NKPD1: variants seen among roughly 807,000 people sequenced by gnomAD.
NKPD1 encodes NTPase KAP family P-loop domain-containing protein 1.
In NKPD1, 37 loss-of-function variants were observed where a neutral mutation model predicts 42.2. The observed-to-expected ratio is 0.88, with a 90% CI of 0.67 to 1.15. The LOEUF is 1.15. NKPD1 is among the 50% of genes most tolerant of loss of function. The probability of loss-of-function intolerance (pLI) is 0.00; values close to 1 mark genes in which losing one functional copy is unlikely to be tolerated. For synonymous variants in NKPD1, 552 were observed against 536.5 expected (o/e 1.03, Z -0.40); for missense variants, 1,113 against 1,174.6 (o/e 0.95, Z 0.77).
At position 45,152,616 on chromosome 19, in the gene NKPD1, C is replaced by T. The variant is rs1968810131; in HGVS notation, c.1821G>A (p.Glu607=). 2.5e-6 allele frequency: 4 copies of T among 1,577,262 alleles called. No homozygotes were observed. In the East Asian group the frequency reaches 9.4e-5, roughly 37 times the overall value. The change falls in exon 5 of 5, where the codon GAG becomes GAA. Residue 607 remains glutamate, a synonymous_variant. Coordinates refer to ENST00000686631, the MANE Select transcript of NKPD1 (RefSeq NM_198478.4). ...GCACGTACTCGTAGAGGCAGTCGCG[C>T]TCGTCGTGAAGGCAGAAGAGCGCCT... The part of the protein sequence containing the change: ...IQEALFCLHD[E]RDCLYEYVPD...
Position 45,153,454 on chromosome 19 carries a change from T to C in NKPD1, c.983A>G (p.Asp328Gly). ...ACAATGCCACTCGCTCTGGCAGCAG[T>C]CCTGCCTGGTGGCCGGCTTGTTGCC... ...VLGNKPATRQ[D>G]CCQSEWHCRR... Residue 328 changes from aspartate to glycine, a missense_variant, in exon 5 of 5, where the codon GAC (aspartate) becomes GGC (glycine). By Grantham distance (94) the Asp-to-Gly change is moderately conservative. Coordinates refer to ENST00000686631, the MANE Select transcript of NKPD1 (RefSeq NM_198478.4). 1.3e-6 allele frequency: 2 copies of C among 1,549,866 alleles called. No individual in the cohort carries two copies. The highest frequency in any genetic ancestry group is 1.4e-5 in the African/African-American group (1 of 73,884).
chr19:45,152,131 G>T lies in NKPD1; in HGVS notation c.2306C>A (p.Pro769His), dbSNP rs756329150. Residue 769 changes from proline to histidine, a missense_variant, in exon 5 of 5, where the codon CCC becomes CAC. Transcript: ENST00000686631. ...AVSALKPPSPPKSPTRDTPHA... is the reference protein window; with the variant it reads ...AVSALKPPSPHKSPTRDTPHA... The stretch of plus-strand genomic sequence containing the variant: ...GGGGGTATCGCGGGTAGGGGACTTG[G>T]GCGGGCTGGGCGGCTTGAGCGCGCT... 4.4e-6 allele frequency: 7 copies of T among 1,601,554 alleles called. No individual in the cohort carries two copies. The highest frequency in any genetic ancestry group is 3.4e-5 in the Admixed American group (2 of 58,574).
rs771302844 is a variant in NKPD1, at chr19:45,153,091, C to T, written c.1346G>A (p.Arg449Gln). The T allele has an allele frequency of 1.9e-6, 3 of 1,575,336 alleles. No homozygotes were observed. The highest frequency in any genetic ancestry group is 1.7e-4 in the Middle Eastern group (1 of 6,022). Residue 449 changes from arginine (R) to glutamine (Q), a missense_variant, in exon 5 of 5, where the codon CGG becomes CAG. Arg to Gln is a conservative substitution (Grantham distance 43). Around this residue, in one of 3 missense-constraint regions of NKPD1, gnomAD observed 867 missense variants for 870.1 expected, o/e 1.00. Transcript: ENST00000686631. The stretch of plus-strand genomic sequence containing the variant: ...CTCCAGCACCACGCGCAGCCTGCGC[C>T]GCTGGTAGATCTCCAGGAAGCACAG... ...DFLCFLEIYQ[R>Q]RRLRVVLEVT...
At chr19:45,161,352 G>A (rs564193811), upstream of NKPD1, among the ~76,000 whole-genome samples, 92 of 152,294 alleles carry the variant, frequency 6.0e-4, no homozygotes, top group African/African-American at 1.8e-3. Flanking sequence ...CGTGGCTGTC[G>A]CGAGGGAGGC....
At position 45,152,270 on chromosome 19, in the gene NKPD1, G is replaced by C. The variant is rs1248862022; in HGVS notation, c.2167C>G (p.Arg723Gly). 1 of 1,609,902 alleles carries C rather than the reference G, an allele frequency of 6.2e-7. No homozygotes were observed. Among genetic ancestry groups the C allele is most frequent in the South Asian group, 1.1e-5 (1 of 90,530 alleles). The stretch of plus-strand genomic sequence containing the variant: ...AAGGGGAAGTCGGCGCCCAGGAAGC[G>C]CTCGAAGAGCTCGGGGTCGCCGTCC... The part of the protein sequence containing the change: ...DLDGDPELFE[R>G]FLGADFPFTV... The change falls in exon 5 of 5, where the codon CGC becomes GGC. Residue 723 changes from arginine (R) to glycine (G), a missense_variant. Physicochemically the swap from Arg to Gly is moderately radical, Grantham distance 125 (BLOSUM62 -2). Coordinates refer to ENST00000686631, the MANE Select transcript of NKPD1 (RefSeq NM_198478.4).
rs1191709995 is a variant in NKPD1 at position 45,151,101 on chromosome 19, G to A, written c.*837C>T. On this transcript the variant is annotated 3_prime_UTR_variant, in exon 5 of 5. Coordinates refer to ENST00000686631, the MANE Select transcript of NKPD1 (RefSeq NM_198478.4). ...CCAGAGGGAAAGTGGGGGAGCCCTA[G>A]TGTAACCCCTCCTGGCTGGCTGTGG... 6.5e-6 allele frequency: 1 copy of A among 152,934 alleles called. No homozygotes were observed. The highest frequency in any genetic ancestry group is 1.5e-5 in the Non-Finnish European group (1 of 68,606). The allele number at this position is 152,934 out of a possible 1,614,324, so 9.5% of individuals were successfully genotyped here. A position where few individuals can be genotyped will look rare whatever the true frequency, so the allele number is the denominator to read the frequency against.
At chr19:45,154,107 A>G (rs1485506669) in intron 4 of NKPD1, among the ~76,000 whole-genome samples, 2 of 152,160 alleles carry the variant, frequency 1.3e-5, no homozygotes, top group African/African-American at 4.8e-5. Context: ...CTGGAGGCGG[A>G]GCGAGGGTGT....
chr19:45,153,646 A>G lies in NKPD1; in HGVS notation c.791T>C (p.Ile264Thr), dbSNP rs1968843880. ...LWYLVFLQPI[I>T]TEVHLRRRNV... ...CCTGCGCCGCAGGTGCACCTCGGTG[A>G]TGATGGGCTGCAGGAACACCAGGTA... Residue 264 changes from isoleucine to threonine, a missense_variant, in exon 5 of 5, where the codon ATC becomes ACC. By Grantham distance (89) the Ile-to-Thr change is moderately conservative. This residue lies in a region of NKPD1 where 867 missense variants were observed against 870.1 expected (regional missense o/e 1.00). Coordinates refer to ENST00000686631, the MANE Select transcript of NKPD1 (RefSeq NM_198478.4). 6.3e-7 allele frequency: 1 copy of G among 1,583,992 alleles called. No homozygotes were observed. Among genetic ancestry groups the G allele is most frequent in the Admixed American group, 1.8e-5 (1 of 56,340 alleles).
In NKPD1 at chr19:45,153,378, C is replaced by G. The variant is rs771409277; in HGVS notation, c.1059G>C (p.Leu353=). 1.1e-5 allele frequency: 17 copies of G among 1,563,872 alleles called. No homozygotes were observed. In the South Asian group the frequency reaches 1.9e-4, roughly 17 times the overall value. The part of the protein sequence containing the change: ...GLLALLAALG[L]GVGLLYLSLG... ...GTGACAAGTAGAGCAGCCCCACACC[C>G]AGGCCCAGCGCCGCCAGCAGCGCCA... The change falls in exon 5 of 5, where the codon CTG becomes CTC. Residue 353 remains leucine, a synonymous_variant. Transcript: ENST00000686631.
chr19:45,152,288 C>G lies in NKPD1; in HGVS notation c.2149G>C (p.Asp717His). 6.2e-7 allele frequency: 1 copy of G among 1,610,360 alleles called. No individual in the cohort carries two copies. The highest frequency in any genetic ancestry group is 8.5e-7 in the Non-Finnish European group (1 of 1,178,902). Residue 717 changes from aspartate to histidine, a missense_variant, in exon 5 of 5, where the codon GAC becomes CAC. Physicochemically the swap from Asp to His is moderately conservative, Grantham distance 81 (BLOSUM62 -1). Transcript: ENST00000686631. ...AGGAAGCGCTCGAAGAGCTCGGGGT[C>G]GCCGTCCAGGTCGAGCACGTTCTGC... ...ALQNVLDLDG[D>H]PELFERFLGA... is the part of the protein sequence containing the mutation.
Position 45,159,047 on chromosome 19 carries a change from A to AG in NKPD1, c.144dup (p.Cys49LeufsTer110). The AG allele has an allele frequency of 1.5e-6, 2 of 1,300,494 alleles. No homozygotes were observed. Among genetic ancestry groups the AG allele is most frequent in the African/African-American group, 3.0e-5 (2 of 65,796 alleles). The allele number at this position is 1,300,494 out of a possible 1,614,324, so 80.6% of individuals were successfully genotyped here. A position where few individuals can be genotyped will look rare whatever the true frequency, so the allele number is the denominator to read the frequency against. ...CAGTGTGATTGGGGGGAAGGCCGAC[A>AG]GGGCCCATGGGCTCGGAGGGCCGCT... On this transcript the variant is annotated frameshift_variant, in exon 3 of 5. Transcript: ENST00000686631. LOFTEE classifies it high-confidence loss of function.
Position 45,155,779 on chromosome 19 carries a change from C to T in NKPD1, c.661+6G>A. On this transcript the variant is annotated splice_donor_region_variant and intron_variant, in intron 4 of 4. Coordinates refer to ENST00000686631, the MANE Select transcript of NKPD1 (RefSeq NM_198478.4). The stretch of plus-strand genomic sequence containing the variant: ...CTCCCCCCAACAAACACACACAGCT[C>T]CTCACCCGTGATCTTGTCCAGCATC... The T allele has an allele frequency of 1.5e-6, 2 of 1,301,132 alleles. No individual in the cohort carries two copies. Among genetic ancestry groups the T allele is most frequent in the Non-Finnish European group, 2.0e-6 (2 of 985,444 alleles). 80.6% of individuals were successfully genotyped at this position (1,301,132 alleles called of 1,614,324 possible). A position where few individuals can be genotyped will look rare whatever the true frequency, so the allele number is the denominator to read the frequency against.
chr19:45,152,466 C>T lies in NKPD1; in HGVS notation c.1971G>A (p.Val657=). 1 of 1,551,204 alleles carries T rather than the reference C, an allele frequency of 6.4e-7. No homozygotes were observed. Among genetic ancestry groups the T allele is most frequent in the Non-Finnish European group, 8.7e-7 (1 of 1,155,054 alleles). ...GGCACGGCCACTGGTTGGCGAGCACCACCCACGCCACCGCCTGGCGCGGCG... is the reference window on the plus strand; with the variant it reads ...GGCACGGCCACTGGTTGGCGAGCACTACCCACGCCACCGCCTGGCGCGGCG... The part of the protein sequence containing the change: ...GPTPRQAVAW[V]VLANQWPCRL... The change falls in exon 5 of 5, where the codon GTG becomes GTA. Residue 657 remains valine, a synonymous_variant. Coordinates refer to ENST00000686631, the MANE Select transcript of NKPD1 (RefSeq NM_198478.4).
Position 45,152,472 on chromosome 19 carries a change from C to T in NKPD1, c.1965G>A (p.Ala655=), listed in dbSNP as rs1968805744. ...GCCACTGGTTGGCGAGCACCACCCACGCCACCGCCTGGCGCGGCGTGGGGC... is the reference window on the plus strand; with the variant it reads ...GCCACTGGTTGGCGAGCACCACCCATGCCACCGCCTGGCGCGGCGTGGGGC... ...FGGPTPRQAV[A]WVVLANQWPC... is the part of the protein sequence containing the mutation. The change falls in exon 5 of 5, where the codon GCG becomes GCA. Residue 655 remains alanine (A), a synonymous_variant. Transcript: ENST00000686631. 3 of 1,552,622 alleles carry T rather than the reference C, an allele frequency of 1.9e-6. No homozygotes were observed. The highest frequency in any genetic ancestry group is 4.9e-5 in the East Asian group (2 of 40,972).
intron 2 of NKPD1, among the ~76,000 whole-genome samples, chr19:45,159,428 A>G (rs1968966495): frequency 6.6e-6 from 1 of 151,932 alleles, no homozygotes; most frequent in Admixed American, 6.5e-5. Flanking sequence ...CCGCCAGTGC[A>G]GGGGTCAGGG....
In NKPD1 at chr19:45,152,619, G is replaced by C; in HGVS notation, c.1818C>G (p.Asp606Glu). The C allele has an allele frequency of 6.3e-7, 1 of 1,576,020 alleles. No homozygotes were observed. Reference protein sequence around the residue: ...RIQEALFCLHDERDCLYEYVP... With the variant: ...RIQEALFCLHEERDCLYEYVP... ...CGTACTCGTAGAGGCAGTCGCGCTCGTCGTGAAGGCAGAAGAGCGCCTCCT... is the reference window on the plus strand; with the variant it reads ...CGTACTCGTAGAGGCAGTCGCGCTCCTCGTGAAGGCAGAAGAGCGCCTCCT... The change falls in exon 5 of 5, where the codon GAC becomes GAG. Residue 606 changes from aspartate to glutamate, a missense_variant. By Grantham distance (45) the Asp-to-Glu change is conservative. Coordinates refer to ENST00000686631, the MANE Select transcript of NKPD1 (RefSeq NM_198478.4).
At position 45,153,679 on chromosome 19, in the gene NKPD1, AG is replaced by A; in HGVS notation, c.757del (p.Leu253TyrfsTer45). ...RAVSGWGVPQ[L>X]LWYLVFLQPI... ...CTGCAGGAACACCAGGTACCACAGTAGCTGCGGGACGCCCCAGCCGCTCACG... is the reference window on the plus strand; with the variant it reads ...CTGCAGGAACACCAGGTACCACAGTACTGCGGGACGCCCCAGCCGCTCACG... On this transcript the variant is annotated frameshift_variant, in exon 5 of 5. Coordinates refer to ENST00000686631, the MANE Select transcript of NKPD1 (RefSeq NM_198478.4). LOFTEE classifies it high-confidence loss of function. 6.4e-7 allele frequency: 1 copy of A among 1,561,866 alleles called. No homozygotes were observed. The highest frequency in any genetic ancestry group is 8.7e-7 in the Non-Finnish European group (1 of 1,153,252).
Position 45,152,539 on chromosome 19 carries a change from A to G in NKPD1, c.1898T>C (p.Val633Ala). Residue 633 changes from valine (V) to alanine (A), a missense_variant, in exon 5 of 5, where the codon GTG (valine) becomes GCG (alanine). Physicochemically the swap from Val to Ala is moderately conservative, Grantham distance 64. Around this residue, in one of 3 missense-constraint regions of NKPD1, gnomAD observed 867 missense variants for 870.1 expected, o/e 1.00. Coordinates refer to ENST00000686631, the MANE Select transcript of NKPD1 (RefSeq NM_198478.4). ...RRIVNTVPIT[V>A]RLLQQQQQQG... ...CTGCTGCTGCTGCTGCAGCAGGCGCACGGTGATGGGCACGGTGTTGACGAT... is the reference window on the plus strand; with the variant it reads ...CTGCTGCTGCTGCTGCAGCAGGCGCGCGGTGATGGGCACGGTGTTGACGAT... 1 of 1,581,280 alleles carries G rather than the reference A, an allele frequency of 6.3e-7. No individual in the cohort carries two copies. Among genetic ancestry groups the G allele is most frequent in the Non-Finnish European group, 8.5e-7 (1 of 1,172,416 alleles).
Position 45,151,821 on chromosome 19 carries a change from G to C in NKPD1, c.*117C>G. 8.9e-7 allele frequency: 1 copy of C among 1,121,214 alleles called. No individual in the cohort carries two copies. Among genetic ancestry groups the C allele is most frequent in the South Asian group, 1.9e-5 (1 of 52,886 alleles). The allele number at this position is 1,121,214 out of a possible 1,614,324, so 69.5% of individuals were successfully genotyped here. ...GGCTCTGGCTCAGGTTCACCTGGGGGTGTGGGCCTCACAGGGCTCATTCGG... is the reference window on the plus strand; with the variant it reads ...GGCTCTGGCTCAGGTTCACCTGGGGCTGTGGGCCTCACAGGGCTCATTCGG... On this transcript the variant is annotated 3_prime_UTR_variant, in exon 5 of 5. Coordinates refer to ENST00000686631, the MANE Select transcript of NKPD1 (RefSeq NM_198478.4).
Sources: allele counts gnomAD v4.1 joint callset (sites outside exome capture counted in the v4.1 genomes callset), GRCh38; gene constraint gnomAD v4.1.1; regional missense constraint gnomAD v4.1.1; transcripts MANE v1.5; gene names NCBI Gene and HGNC (gene_info 2026-07-23, HGNC 2026-07-21).